The following PHACTR1 variants were observed in gnomAD, a reference collection of about 807,000 sequenced individuals.
PHACTR1 encodes the protein RPEL repeat containing 1.
In PHACTR1, 16 loss-of-function variants were observed where a neutral mutation model predicts 69.2. The observed-to-expected ratio is 0.23, with a 90% CI of 0.16 to 0.35. PHACTR1 has a LOEUF of 0.35. Ranked by LOEUF, PHACTR1 falls within the 10% of genes least tolerant of loss-of-function variation. The pLI is 1.00. For missense variants in PHACTR1, 510 were observed against 734.7 expected (o/e 0.69, Z 3.54); for synonymous variants, 312 against 284.5 (o/e 1.10, Z -0.97).
rs533062826 is a variant in PHACTR1 at position 13,215,867 on chromosome 6, A to G, written c.986+9731A>G. Among the ~76,000 whole-genome samples, 5 of 152,348 alleles carry G rather than the reference A, an allele frequency of 3.3e-5. No individual in the cohort carries two copies. The South Asian group carries it at 6.2e-4, about 19-fold the overall frequency. ...ACATGGATAAGCCAGTCCAATCTGG[A>G]TGATCAACTAGATGCAGGAAAGTTC... On this transcript the variant is annotated intron_variant, in intron 8 of 14. Transcript: ENST00000332995.
intron 4 of PHACTR1, among the ~76,000 whole-genome samples, chr6:12,931,595 A>T (rs1037893993): frequency 3.9e-5 from 6 of 152,072 alleles, no homozygotes; most frequent in African/African-American, 1.2e-4. Context: ...GTCTGGATTG[A>T]TGGGTGAATG....
At chr6:13,112,120 C>T (rs2127909218) in intron 5 of PHACTR1, among the ~76,000 whole-genome samples, 1 of 152,308 alleles carries the variant, frequency 6.6e-6, no homozygotes, top group East Asian at 1.9e-4. Flanking sequence ...TAAGTGAGAA[C>T]ATGCCGTATT....
chr6:12,829,107 C>T (rs971536195), intron 4 of PHACTR1, among the ~76,000 whole-genome samples: 31 of 152,106 alleles, frequency 2.0e-4, no homozygotes, highest in Admixed American at 2.0e-3. Flanking sequence ...AAATAAAAGG[C>T]AAATAATGAA....
chr6:12,970,926 A>G lies in PHACTR1; in HGVS notation c.251-82439A>G, dbSNP rs543981051. ...TTTATGCCGTGGGTAGCTCATGTGC[A>G]TGAACCAAAGGCTGACCAAAAACAA... On this transcript the variant is annotated intron_variant, in intron 4 of 14. Coordinates refer to ENST00000332995, the MANE Select transcript of PHACTR1 (RefSeq NM_030948.6). 5.9e-5 allele frequency among the ~76,000 whole-genome samples: 9 copies of G among 152,378 alleles called. No homozygotes were observed. In the South Asian group the frequency reaches 1.9e-3, roughly 32 times the overall value.
At chr6:12,973,399 A>C (rs924297535) in intron 4 of PHACTR1, among the ~76,000 whole-genome samples, 19 of 152,222 alleles carry the variant, frequency 1.2e-4, no homozygotes, top group African/African-American at 4.3e-4. Flanking sequence ...TTCCTTGGAA[A>C]GCATTATTAT....
chr6:12,861,205 GC>G (rs1486836652), intron 4 of PHACTR1, among the ~76,000 whole-genome samples: 2 of 152,182 alleles, frequency 1.3e-5, no homozygotes, highest in African/African-American at 4.8e-5. Flanking sequence ...GCAGGGACTT[GC>G]CTGTTAGGCA....
At chr6:13,005,685 G>T (rs1388536461) in intron 4 of PHACTR1, among the ~76,000 whole-genome samples, 1 of 152,158 alleles carries the variant, frequency 6.6e-6, no homozygotes, top group Non-Finnish European at 1.5e-5. Flanking sequence ...AAGTAGAGGT[G>T]TTCCTTTGAT....
At chr6:12,974,459 G>A (rs997555969) in intron 4 of PHACTR1, among the ~76,000 whole-genome samples, 4 of 152,046 alleles carry the variant, frequency 2.6e-5, no homozygotes, top group African/African-American at 4.8e-5. Flanking sequence ...CAAATGTCCC[G>A]GCCCGTTAAC....
chr6:12,859,437 T>A (rs2127422259), intron 4 of PHACTR1, among the ~76,000 whole-genome samples: 1 of 152,362 alleles, frequency 6.6e-6, no homozygotes, highest in East Asian at 1.9e-4. Context: ...CTATACATAT[T>A]GGTAGTTTTC....
rs183268604 is a variant in PHACTR1 at position 13,009,699 on chromosome 6, A to T, written c.251-43666A>T. On this transcript the variant is annotated intron_variant, in intron 4 of 14. Transcript: ENST00000332995. Reference sequence around the variant, plus strand: ...TGCTTCTCACATTCAGCCTTGGGGGATTTCAAGGTCTGCAGTTGCCCTCAC... The same window carrying T: ...TGCTTCTCACATTCAGCCTTGGGGGTTTTCAAGGTCTGCAGTTGCCCTCAC... 1.5e-3 allele frequency among the ~76,000 whole-genome samples: 229 copies of T among 152,166 alleles called. 1 individual carries two copies. The highest frequency in any genetic ancestry group is 5.3e-3 in the African/African-American group (220 of 41,518).
intron 8 of PHACTR1, among the ~76,000 whole-genome samples, chr6:13,211,436 G>A (rs12665416): frequency 1.8e-4 from 27 of 151,902 alleles, no homozygotes; most frequent in Middle Eastern, 3.4e-3. Context: ...TCAGGACGCC[G>A]TTTCTTTCTG....
At chr6:12,870,381 G>GAGAA (rs1251039337) in intron 4 of PHACTR1, among the ~76,000 whole-genome samples, 4 of 151,902 alleles carry the variant, frequency 2.6e-5, no homozygotes, top group Admixed American at 2.6e-4. Flanking sequence ...TCTTTTAAAT[G>GAGAA]GAAGATTCAT....
chr6:12,876,565 C>T (rs926992733), intron 4 of PHACTR1, among the ~76,000 whole-genome samples: 1 of 151,944 alleles, frequency 6.6e-6, no homozygotes, highest in Admixed American at 6.5e-5. Flanking sequence ...GAGGACTTCT[C>T]CTGCAAGGCC....
chr6:13,035,979 C>T (rs1485185216), intron 4 of PHACTR1, among the ~76,000 whole-genome samples: 1 of 152,210 alleles, frequency 6.6e-6, no homozygotes, highest in Non-Finnish European at 1.5e-5. Context: ...GTGCCTACCA[C>T]ATGCTAACTC....
chr6:13,011,559 C>T (rs907244284), intron 4 of PHACTR1, among the ~76,000 whole-genome samples: 3 of 152,152 alleles, frequency 2.0e-5, no homozygotes, highest in East Asian at 3.9e-4. Context: ...TCACAATGCC[C>T]GTTGGCCAAT....
chr6:12,825,305 C>CCT (rs1431571687), intron 4 of PHACTR1, among the ~76,000 whole-genome samples: 3 of 150,400 alleles, frequency 2.0e-5, no homozygotes, highest in Admixed American at 6.6e-5. Flanking sequence ...AGAACAAAAC[C>CCT]CTCTCTCTCT....
intron 3 of PHACTR1, 113 bp from the exon 4 acceptor site, chr6:12,749,531 C>T: frequency 2.2e-6 from 1 of 448,262 alleles, no homozygotes; most frequent in Non-Finnish European, 4.4e-6. Context: ...CCACCCCTTC[C>T]CTTCCTCTCC....
chr6:13,011,691 G>A (rs1300598241), intron 4 of PHACTR1, among the ~76,000 whole-genome samples: 1 of 152,234 alleles, frequency 6.6e-6, no homozygotes, highest in African/African-American at 2.4e-5. Flanking sequence ...AACCTGTGGG[G>A]CAGAGAGTAA....
At chr6:12,865,457 GGTGTGT>G (rs34729979) in intron 4 of PHACTR1, among the ~76,000 whole-genome samples, 2 of 150,042 alleles carry the variant, frequency 1.3e-5, no homozygotes, top group African/African-American at 2.5e-5. Context: ...TTGTTTAATG[GGTGTGT>G]GTGTGTGTGT....
Sources: allele counts gnomAD v4.1 joint callset (sites outside exome capture counted in the v4.1 genomes callset), GRCh38; gene constraint gnomAD v4.1.1; transcripts MANE v1.5; gene names NCBI Gene and HGNC (gene_info 2026-07-23, HGNC 2026-07-21).